Variants in SIPA1L2 observed in about 807,000 individuals in gnomAD.
The protein encoded by SIPA1L2 is signal-induced proliferation-associated 1-like protein 2.
Under a neutral mutation model 163.9 loss-of-function variants are expected in SIPA1L2, and 56 were observed. That is an observed-to-expected ratio of 0.34 (90% CI 0.28 to 0.43). The LOEUF is 0.43. Ranked by LOEUF, SIPA1L2 falls within the 20% of genes least tolerant of loss-of-function variation. SIPA1L2 has a pLI of 1.00. For synonymous variants in SIPA1L2, 877 were observed against 865.7 expected, an observed-to-expected ratio of 1.01 and a Z score of -0.23; for missense variants, 1,974 against 2,193.5, an observed-to-expected ratio of 0.90 and a Z score of 2.00.
At chr1:232,488,934 A>G (rs1665784753) in intron 5 of SIPA1L2, among the ~76,000 whole-genome samples, 1 of 152,198 alleles carries the variant, frequency 6.6e-6, no homozygotes, top group Non-Finnish European at 1.5e-5. Context: ...ACTGATGCCT[A>G]AAATAGGCTG....
At chr1:232,508,738 G>A (rs1666845324) in intron 3 of SIPA1L2, among the ~76,000 whole-genome samples, 1 of 152,202 alleles carries the variant, frequency 6.6e-6, no homozygotes, top group South Asian at 2.1e-4. Context: ...GTTATCGCCC[G>A]TGAAAGGAAG....
At chr1:232,494,157 C>T (rs993251841) in intron 3 of SIPA1L2, among the ~76,000 whole-genome samples, 2 of 152,256 alleles carry the variant, frequency 1.3e-5, no homozygotes, top group African/African-American at 4.8e-5. Flanking sequence ...ATTACAATGT[C>T]GCTAAAACAG....
intron 1 of SIPA1L2, among the ~76,000 whole-genome samples, chr1:232,574,606 ATTC>A (rs1659979764): frequency 6.6e-6 from 1 of 152,212 alleles, no homozygotes; most frequent in Non-Finnish European, 1.5e-5. Context: ...TATTACCATC[ATTC>A]TTAATTAATA....
intron 2 of SIPA1L2, among the ~76,000 whole-genome samples, chr1:232,533,537 G>A (rs1023522092): frequency 2.6e-5 from 4 of 152,200 alleles, no homozygotes; most frequent in Non-Finnish European, 5.9e-5. Context: ...ATGAGATGGT[G>A]GATATAAGGT....
chr1:232,490,812 C>A, intron 5 of SIPA1L2, 62 bp downstream of exon 5: 3 of 1,507,290 alleles, frequency 2.0e-6, no homozygotes, highest in Non-Finnish European at 1.8e-6. Flanking sequence ...TGGGAAAACT[C>A]CAAAACTTTC....
chr1:232,434,684 C>A (rs6674593), intron 15 of SIPA1L2, among the ~76,000 whole-genome samples: 39,083 of 152,046 alleles, frequency 0.26, 5,332 homozygotes, highest in East Asian at 0.48. Flanking sequence ...TGTGTCTAGA[C>A]AACGAGCTCT....
chr1:232,494,981 A>C (rs1666107208), intron 3 of SIPA1L2, among the ~76,000 whole-genome samples: 1 of 152,196 alleles, frequency 6.6e-6, no homozygotes, highest in Non-Finnish European at 1.5e-5. Flanking sequence ...ACTTGAAGGA[A>C]ACCTATAGGT....
At chr1:232,570,082 A>G (rs1279899296) in intron 2 of SIPA1L2, among the ~76,000 whole-genome samples, 4 of 152,222 alleles carry the variant, frequency 2.6e-5, no homozygotes, top group South Asian at 4.1e-4. Context: ...AATTCTTACT[A>G]GAAGTCTGAA....
intron 18 of SIPA1L2, among the ~76,000 whole-genome samples, chr1:232,421,699 CAT>C (rs1228483909): frequency 7.9e-5 from 12 of 152,308 alleles, no homozygotes; most frequent in African/African-American, 2.9e-4. Flanking sequence ...CGAGGCTACA[CAT>C]GTGGTCTGAA....
chr1:232,622,098 T>A (rs1573189227), intron 1 of SIPA1L2, among the ~76,000 whole-genome samples: 1 of 152,204 alleles, frequency 6.6e-6, no homozygotes, highest in South Asian at 2.1e-4. Flanking sequence ...TCAAATAAAA[T>A]TGGTTGATAA....
intron 1 of SIPA1L2, among the ~76,000 whole-genome samples, chr1:232,575,611 G>T (rs1660037412): frequency 6.6e-6 from 1 of 151,702 alleles, no homozygotes; most frequent in African/African-American, 2.4e-5. Flanking sequence ...TAATATAGTG[G>T]GTACCTAAAA....
At chr1:232,516,817 C>T (rs1424712404) in intron 2 of SIPA1L2, among the ~76,000 whole-genome samples, 1 of 152,082 alleles carries the variant, frequency 6.6e-6, no homozygotes, top group Non-Finnish European at 1.5e-5. Flanking sequence ...ATTCCTTATG[C>T]TTTGGTGAAG....
At position 232,415,577 on chromosome 1, in the gene SIPA1L2, G is replaced by A; in HGVS notation, c.4679C>T (p.Ala1560Val). ...DGSLSDKSKC[A>V]DPGLMPLPDT... ...CGGGAGGGGCATCAGGCCAGGATCT[G>A]CGCACTTGGACTTATCTGATAAGGA... is the stretch of plus-strand genomic sequence containing the variant. Residue 1560 changes from alanine (A) to valine (V), a missense_variant, in exon 19 of 23, where the codon GCA becomes GTA. Ala to Val is a moderately conservative substitution (Grantham distance 64). Transcript: ENST00000674635. 1 of 1,613,984 alleles carries A rather than the reference G, an allele frequency of 6.2e-7. No individual in the cohort carries two copies. The highest frequency in any genetic ancestry group is 2.2e-5 in the East Asian group (1 of 44,872).
At chr1:232,559,915 T>C (rs1658935173) in intron 2 of SIPA1L2, among the ~76,000 whole-genome samples, 1 of 152,208 alleles carries the variant, frequency 6.6e-6, no homozygotes, top group Non-Finnish European at 1.5e-5. Context: ...TATCTGTTCA[T>C]CAAGGAAATA....
chr1:232,536,644 A>C (rs933078622), intron 2 of SIPA1L2, among the ~76,000 whole-genome samples: 1 of 152,190 alleles, frequency 6.6e-6, no homozygotes, highest in African/African-American at 2.4e-5. Context: ...TTCTCCAAAA[A>C]TGAAAAATAA....
intron 19 of SIPA1L2, among the ~76,000 whole-genome samples, chr1:232,412,079 T>C (rs1359686330): frequency 2.6e-5 from 4 of 152,176 alleles, no homozygotes; most frequent in African/African-American, 9.6e-5. Context: ...TAGTCATGAT[T>C]TGACAGCTTA....
At chr1:232,493,870 G>A (rs1380058972) in intron 3 of SIPA1L2, among the ~76,000 whole-genome samples, 1 of 152,136 alleles carries the variant, frequency 6.6e-6, no homozygotes. Context: ...CTCTCATTCT[G>A]CTTTTCACTA....
intron 3 of SIPA1L2, among the ~76,000 whole-genome samples, chr1:232,507,430 T>C (rs1486213501): frequency 1.3e-5 from 2 of 152,190 alleles, no homozygotes; most frequent in Admixed American, 6.5e-5. Flanking sequence ...GGCTACTCCA[T>C]TGTAAAATTA....
At chr1:232,606,857 T>C (rs1366514584) in intron 1 of SIPA1L2, among the ~76,000 whole-genome samples, 3 of 151,902 alleles carry the variant, frequency 2.0e-5, no homozygotes, top group African/African-American at 7.2e-5. Context: ...GCTTTTACAA[T>C]AAAGAACATG....
Sources: gnomAD v4.1 joint callset for allele counts (sites outside exome capture counted in the v4.1 genomes callset) on GRCh38, gnomAD v4.1.1 for gene constraint, MANE v1.5 for transcripts, NCBI Gene and HGNC (gene_info 2026-07-23, HGNC 2026-07-21) for gene names.